Variants in ATRX observed in about 807,000 individuals in gnomAD.
The protein encoded by ATRX is chromatin remodeler ATRX.
In ATRX, 12 loss-of-function variants were observed where a neutral mutation model predicts 172.6. That is an observed-to-expected ratio of 0.07 (90% CI 0.04 to 0.11). The LOEUF is 0.11. Among genes scored for constraint, ATRX ranks in the 10% least tolerant of loss-of-function variants. The probability of loss-of-function intolerance (pLI) is 1.00; values close to 1 mark genes in which losing one functional copy is unlikely to be tolerated. For synonymous variants in ATRX, 674 were observed against 594.7 expected (o/e 1.13, Z -1.94); for missense variants, 1,368 against 1,767.4 (o/e 0.77, Z 4.05).
At chrX:77,698,667 C>T (rs782720869) in intron 2 of ATRX, 38 bp from the exon 3 acceptor site, 15 of 1,081,502 alleles carry the variant, frequency 1.4e-5, no homozygotes, top group Admixed American at 1.3e-4. Flanking sequence ...TTTATCTCTT[C>T]GATGCATTAT....
intron 22 of ATRX, among the ~76,000 whole-genome samples, chrX:77,605,869 A>C (rs1557090187): frequency 8.9e-6 from 1 of 112,065 alleles, no homozygotes; most frequent in Non-Finnish European, 1.9e-5. Flanking sequence ...TTATGAAAAA[A>C]AAGAGAGAAT....
intron 1 of ATRX, among the ~76,000 whole-genome samples, chrX:77,744,589 A>C (rs1447970300): frequency 9.0e-6 from 1 of 111,725 alleles, no homozygotes; most frequent in Admixed American, 9.6e-5. Flanking sequence ...CAAAATATTG[A>C]TTTTAAGGGT....
At chrX:77,512,727 C>T (rs782138652) in intron 34 of ATRX, among the ~76,000 whole-genome samples, 7 of 110,197 alleles carry the variant, frequency 6.4e-5, no homozygotes, top group African/African-American at 1.3e-4. Context: ...AAATTAGCTG[C>T]GCATGGTGGC....
rs1261567961 is a variant in ATRX at position 77,686,841 on chromosome X, C to T, written c.595-1835G>A. ...TTCCATACACTCAAGTACCACTATT[C>T]CTTATTTAAAAGTGTATAAAAGATT... On this transcript the variant is annotated intron_variant, in intron 7 of 34. Transcript: ENST00000373344. Among the ~76,000 whole-genome samples the T allele has an allele frequency of 2.7e-5, 3 of 110,719 alleles. No individual in the cohort carries two copies. In the Admixed American group the frequency reaches 2.9e-4, roughly 11 times the overall value.
intron 1 of ATRX, among the ~76,000 whole-genome samples, chrX:77,738,411 A>G (rs1327825620): frequency 4.6e-5 from 5 of 108,894 alleles, no homozygotes; most frequent in Non-Finnish European, 7.6e-5. Flanking sequence ...CAGGAAGTCT[A>G]TCTCCAATCA....
chrX:77,686,484 G>A (rs2071561702), intron 7 of ATRX, among the ~76,000 whole-genome samples: 1 of 112,093 alleles, frequency 8.9e-6, no homozygotes, highest in Non-Finnish European at 1.9e-5. Flanking sequence ...GGGAGGACGA[G>A]GAGGGTGGAT....
At chrX:77,605,143 G>A (rs781836419) in intron 22 of ATRX, among the ~76,000 whole-genome samples, 12 of 112,299 alleles carry the variant, frequency 1.1e-4, no homozygotes, top group South Asian at 7.4e-4. Flanking sequence ...AAATTTATAC[G>A]AATAAAATTA....
intron 10 of ATRX, among the ~76,000 whole-genome samples, chrX:77,670,740 G>A (rs1405253364): frequency 7.6e-5 from 8 of 105,278 alleles, no homozygotes; most frequent in African/African-American, 2.1e-4. Flanking sequence ...GGGTGACAAC[G>A]CGAGACTCTG....
intron 1 of ATRX, among the ~76,000 whole-genome samples, chrX:77,746,029 AG>A (rs1173328958): frequency 8.9e-6 from 1 of 111,926 alleles, no homozygotes; most frequent in African/African-American, 3.2e-5. Flanking sequence ...TGCAGAGAAA[AG>A]GGAACACTCA....
At chrX:77,596,295 G>T (rs782467141) in intron 25 of ATRX, 1 of 111,021 alleles carries the variant, frequency 9.0e-6, no homozygotes. Flanking sequence ...AGGCAGACTA[G>T]CCCCTTAATA....
intron 1 of ATRX, among the ~76,000 whole-genome samples, chrX:77,781,504 T>C (rs377533743): frequency 9.1e-6 from 1 of 109,299 alleles, no homozygotes; most frequent in African/African-American, 3.3e-5. Context: ...TTAAGAACCA[T>C]TGTTACAAAC....
chrX:77,785,624 T>G (rs925589651), intron 1 of ATRX, among the ~76,000 whole-genome samples: 29 of 88,970 alleles, frequency 3.3e-4, no homozygotes, highest in Middle Eastern at 6.7e-3. Context: ...GCCCAAAGAT[T>G]AGCAAAAATG....
chrX:77,527,146 T>C (rs1238153045), intron 30 of ATRX, among the ~76,000 whole-genome samples: 3 of 112,321 alleles, frequency 2.7e-5, no homozygotes, highest in Non-Finnish European at 5.6e-5. Flanking sequence ...TACCATTTTT[T>C]ATTTTATTCC....
chrX:77,704,347 G>T (rs1285137610), intron 2 of ATRX, among the ~76,000 whole-genome samples: 1 of 111,904 alleles, frequency 8.9e-6, no homozygotes, highest in Non-Finnish European at 1.9e-5. Context: ...TTCAGCTCTG[G>T]CTGAGCCTGG....
In ATRX at chrX:77,614,380, G is replaced by A. The variant is rs575775123; in HGVS notation, c.5566+2233C>T. On this transcript the variant is annotated intron_variant, in intron 22 of 34. Coordinates refer to ENST00000373344, the MANE Select transcript of ATRX (RefSeq NM_000489.6). The stretch of plus-strand genomic sequence containing the variant: ...TACTCTATGGGTAATATTGCATTTG[G>A]TAAGGGGAAAACCCCACACCCTAAA... Among the ~76,000 whole-genome samples, 26 of 111,435 alleles carry A rather than the reference G, an allele frequency of 2.3e-4. No homozygotes were observed. The South Asian group carries it at 8.6e-3, about 37-fold the overall frequency.
At chrX:77,685,037 A>T in intron 7 of ATRX, 31 bp from the exon 8 acceptor site, 2 of 1,071,458 alleles carry the variant, frequency 1.9e-6, no homozygotes, top group Non-Finnish European at 2.6e-6. Context: ...GGGGAAATTT[A>T]ATTCGAAATT....
intron 8 of ATRX, 110 bp from the exon 9 acceptor site, chrX:77,684,703 T>G: frequency 1.1e-6 from 1 of 938,058 alleles, no homozygotes; most frequent in Non-Finnish European, 1.5e-6. Context: ...TTTAATCTCT[T>G]TGTTATAATG....
intron 1 of ATRX, among the ~76,000 whole-genome samples, chrX:77,784,340 A>G (rs1450519174): frequency 1.8e-5 from 2 of 112,375 alleles, no homozygotes; most frequent in African/African-American, 6.5e-5. Context: ...AAGATCTACA[A>G]AAATCCAAGA....
chrX:77,715,447 C>T (rs1357238481), intron 2 of ATRX, among the ~76,000 whole-genome samples: 6 of 111,758 alleles, frequency 5.4e-5, no homozygotes, highest in Admixed American at 9.5e-5. Flanking sequence ...ATGACAAAAT[C>T]ACCCAACAAT....
Sources: allele counts gnomAD v4.1 joint callset (sites outside exome capture counted in the v4.1 genomes callset), GRCh38; gene constraint gnomAD v4.1.1; transcripts MANE v1.5; gene names NCBI Gene and HGNC (gene_info 2026-07-23, HGNC 2026-07-21).